SNX1: variants seen among roughly 807,000 people sequenced by gnomAD.
SNX1 encodes the protein sorting nexin 1, also known as sorting nexin-1.
A neutral mutation model predicts 71.8 loss-of-function variants in SNX1; 36 were observed. The observed-to-expected ratio is 0.50, with a 90% CI of 0.38 to 0.66. The LOEUF (loss-of-function observed/expected upper bound fraction) is 0.66, where lower values mean the gene tolerates loss of function less well. Among genes scored for constraint, SNX1 ranks in the 30% least tolerant of loss-of-function variants. The pLI, the probability that SNX1 is intolerant of heterozygous loss-of-function variation, is 0.00. For missense variants in SNX1, 612 were observed against 646.7 expected, an observed-to-expected ratio of 0.95 and a Z score of 0.58; for synonymous variants, 254 against 240.7, an observed-to-expected ratio of 1.06 and a Z score of -0.51.
At chr15:64,103,541 T>C (rs2140131637) in intron 1 of SNX1, among the ~76,000 whole-genome samples, 1 of 152,366 alleles carries the variant, frequency 6.6e-6, no homozygotes, top group South Asian at 2.1e-4. Flanking sequence ...TTCGAGAATG[T>C]TTATACTATT....
At position 64,138,665 on chromosome 15, in the gene SNX1, G is replaced by A. The variant is rs1316157600; in HGVS notation, c.*1047G>A. 1 of 157,040 alleles carries A rather than the reference G, an allele frequency of 6.4e-6. No homozygotes were observed. Among genetic ancestry groups the A allele is most frequent in the Non-Finnish European group, 1.4e-5 (1 of 71,000 alleles). 9.7% of individuals were successfully genotyped at this position (157,040 alleles called of 1,614,324 possible). ...AGCCTGCCAGCAAGAGCCCTCAGGA[G>A]TTGCACACACAGCCAAAGGGTGTTC... On this transcript the variant is annotated 3_prime_UTR_variant, in exon 15 of 15. Transcript: ENST00000559844.
At chr15:64,131,422 G>T (rs2081305289) in intron 10 of SNX1, among the ~76,000 whole-genome samples, 1 of 152,162 alleles carries the variant, frequency 6.6e-6, no homozygotes, top group African/African-American at 2.4e-5. Flanking sequence ...GTTCTCCAGG[G>T]ATATTGGAGC....
In SNX1 at chr15:64,141,350, T is replaced by C. The variant is rs1417598702; in HGVS notation, c.*3732T>C. The C allele has an allele frequency of 2.0e-5, 3 of 152,350 alleles. No homozygotes were observed. The East Asian group carries it at 5.8e-4, about 29-fold the overall frequency. The allele number at this position is 152,350 out of a possible 1,614,324, so 9.4% of individuals were successfully genotyped here. A position where few individuals can be genotyped will look rare whatever the true frequency, so the allele number is the denominator to read the frequency against. On this transcript the variant is annotated 3_prime_UTR_variant, in exon 15 of 15. Coordinates refer to ENST00000559844, the MANE Select transcript of SNX1 (RefSeq NM_003099.5). This position sits in a 1 kb window ranked among gnomAD's most constrained non-coding sequence, Gnocchi z 5.1. ...ATCCTGAGGCTGGCGGGGCCAGTTG[T>C]CTTTAGGGCTTGTGCATTTTTGTAA...
chr15:64,119,737 A>ACAAC (rs1555491446), intron 4 of SNX1, among the ~76,000 whole-genome samples: 3 of 141,058 alleles, frequency 2.1e-5, no homozygotes, highest in Admixed American at 7.1e-5. Context: ...AAAAAAAAAA[A>ACAAC]ACACACACAC....
rs757812324 is a variant in SNX1 at position 64,129,504 on chromosome 15, A to G, written c.808-412A>G. On this transcript the variant is annotated intron_variant, in intron 8 of 14. Transcript: ENST00000559844. This position sits in a 1 kb window ranked among gnomAD's most constrained non-coding sequence, Gnocchi z 4.4. ...TTTGTTCACTGAAGAAAATTCGAAC[A>G]CAGCACGATTTCAGTGTCTTAAGAC... Among the ~76,000 whole-genome samples the G allele has an allele frequency of 2.0e-5, 3 of 152,210 alleles. No individual in the cohort carries two copies. The highest frequency in any genetic ancestry group is 4.4e-5 in the Non-Finnish European group (3 of 68,044).
rs749570361 is a variant in SNX1 at position 64,131,828 on chromosome 15, A to G, written c.1157A>G (p.Asn386Ser). The change falls in exon 11 of 15, where the codon AAC (asparagine) becomes AGC (serine). Residue 386 changes from asparagine to serine, a missense_variant. This residue lies in a region of SNX1 where 296 missense variants were observed against 361.9 expected (regional missense o/e 0.82). Transcript: ENST00000559844. ...KIEQLHQEQA[N>S]NDFFLLAELL... ...GAGCAGCTCCACCAGGAACAGGCCA[A>G]CAATGACTTCTTCCTCCTTGCTGAG... 3 of 1,614,116 alleles carry G rather than the reference A, an allele frequency of 1.9e-6. No homozygotes were observed. Among genetic ancestry groups the G allele is most frequent in the Admixed American group, 1.7e-5 (1 of 60,004 alleles).
chr15:64,122,994 C>A (rs1009131618), intron 4 of SNX1, among the ~76,000 whole-genome samples: 5 of 152,144 alleles, frequency 3.3e-5, no homozygotes, highest in African/African-American at 4.8e-5. Context: ...CAGTGTCCCC[C>A]CCGGCACCAA....
chr15:64,123,436 A>G, intron 4 of SNX1, 67 bp from the exon 5 acceptor site: 1 of 1,370,062 alleles, frequency 7.3e-7, no homozygotes, highest in South Asian at 1.2e-5. Flanking sequence ...ATTCCTGGTC[A>G]AATGTTAGCT....
Position 64,137,900 on chromosome 15 carries a change from A to T in SNX1, c.*282A>T. 2 of 1,405,400 alleles carry T rather than the reference A, an allele frequency of 1.4e-6. No homozygotes were observed. Among genetic ancestry groups the T allele is most frequent in the Non-Finnish European group, 1.8e-6 (2 of 1,085,528 alleles). 87.1% of individuals were successfully genotyped at this position (1,405,400 alleles called of 1,614,324 possible). A position where few individuals can be genotyped will look rare whatever the true frequency, so the allele number is the denominator to read the frequency against. On this transcript the variant is annotated 3_prime_UTR_variant, in exon 15 of 15. Transcript: ENST00000559844. ...GGAGTATTGATATAAATATATAAATACAAATGTATATTTTTCAGGATGTGG... is the reference window on the plus strand; with the variant it reads ...GGAGTATTGATATAAATATATAAATTCAAATGTATATTTTTCAGGATGTGG...
intron 4 of SNX1, among the ~76,000 whole-genome samples, chr15:64,122,791 T>A (rs1047148741): frequency 1.3e-5 from 2 of 152,274 alleles, no homozygotes; most frequent in South Asian, 4.1e-4. Flanking sequence ...GGCATCTTTA[T>A]CTCCTTAAGT....
At chr15:64,125,188 C>T (rs2081237456) in intron 5 of SNX1, among the ~76,000 whole-genome samples, 1 of 152,128 alleles carries the variant, frequency 6.6e-6, no homozygotes, top group Non-Finnish European at 1.5e-5. Context: ...TGAGGCTTGG[C>T]GCAGTGGCTC....
chr15:64,104,748 G>A (rs2081001527), intron 1 of SNX1, among the ~76,000 whole-genome samples: 1 of 151,840 alleles, frequency 6.6e-6, no homozygotes, highest in African/African-American at 2.4e-5. Flanking sequence ...AGCTGGGTGT[G>A]ACAACGCATG....
intron 4 of SNX1, among the ~76,000 whole-genome samples, chr15:64,120,237 C>A (rs1388736886): frequency 1.4e-5 from 2 of 145,340 alleles, no homozygotes; most frequent in Non-Finnish European, 3.0e-5. Flanking sequence ...GGGACAGGAA[C>A]TTGTTAGACT....
chr15:64,122,054 GCAGTATGT>G (rs1406858772), intron 4 of SNX1, among the ~76,000 whole-genome samples: 7 of 152,140 alleles, frequency 4.6e-5, no homozygotes, highest in Non-Finnish European at 8.8e-5. Context: ...CTATGTACAT[GCAGTATGT>G]CTCTTTTCAT....
intron 3 of SNX1, 87 bp downstream of exon 3, chr15:64,118,331 G>C: frequency 7.2e-7 from 1 of 1,387,940 alleles, no homozygotes. Flanking sequence ...TATGAACCTT[G>C]AGAAAATATT....
chr15:64,104,250 A>G (rs1479584273), intron 1 of SNX1, among the ~76,000 whole-genome samples: 1 of 151,156 alleles, frequency 6.6e-6, no homozygotes. Flanking sequence ...GTAATTATAG[A>G]ACACCAGTTT....
At chr15:64,124,831 C>T (rs370311528) in intron 5 of SNX1, among the ~76,000 whole-genome samples, 13 of 152,198 alleles carry the variant, frequency 8.5e-5, no homozygotes, top group African/African-American at 3.1e-4. Flanking sequence ...CAATTTGTAC[C>T]CCATCAGCAG....
Position 64,112,611 on chromosome 15 carries a change from T to C in SNX1, c.198T>C (p.Leu66=), listed in dbSNP as rs1168156991. 1.9e-6 allele frequency: 3 copies of C among 1,613,030 alleles called. No individual in the cohort carries two copies. Among genetic ancestry groups the C allele is most frequent in the Non-Finnish European group, 8.5e-7 (1 of 1,179,258 alleles). ...CTCCAAAGATAACTACATCCCTTCT[T>C]CCCATCAACAATGGCTCCAAAGAAA... ...HQSPKITTSL[L]PINNGSKENG... is the part of the protein sequence containing the mutation. Residue 66 remains leucine, a synonymous_variant, in exon 2 of 15, where the codon CTT becomes CTC. Transcript: ENST00000559844.
Position 64,138,332 on chromosome 15 carries a change from T to C in SNX1, c.*714T>C. On this transcript the variant is annotated 3_prime_UTR_variant, in exon 15 of 15. Coordinates refer to ENST00000559844, the MANE Select transcript of SNX1 (RefSeq NM_003099.5). ...CAGAGACTTTCTCTCTCTCTTTTTT[T>C]TTTTTTTTTGGTGTCCCTATCATTA... 3 of 812,678 alleles carry C rather than the reference T, an allele frequency of 3.7e-6. No individual in the cohort carries two copies. The highest frequency in any genetic ancestry group is 3.6e-6 in the Non-Finnish European group (2 of 556,280). The allele number at this position is 812,678 out of a possible 1,614,324, so 50.3% of individuals were successfully genotyped here. A position where few individuals can be genotyped will look rare whatever the true frequency, so the allele number is the denominator to read the frequency against.
Sources: gnomAD v4.1 joint callset for allele counts (sites outside exome capture counted in the v4.1 genomes callset) on GRCh38, gnomAD v4.1.1 for gene constraint, gnomAD v4.1.1 regional missense constraint, Gnocchi (gnomAD v3.1) non-coding constraint, MANE v1.5 for transcripts, NCBI Gene and HGNC (gene_info 2026-07-23, HGNC 2026-07-21) for gene names.